The following TSG101 variants were observed in gnomAD, a reference collection of about 807,000 sequenced individuals.
The protein encoded by TSG101 is tumor susceptibility gene 101 protein.
A neutral mutation model predicts 48.5 loss-of-function variants in TSG101; 19 were observed. That is an observed-to-expected ratio of 0.39 (90% confidence interval 0.27 to 0.58). TSG101 has a LOEUF of 0.58. Among genes scored for constraint, TSG101 ranks in the 20% least tolerant of loss-of-function variants. The pLI, the probability that TSG101 is intolerant of heterozygous loss-of-function variation, is 0.55. For synonymous variants in TSG101, 174 were observed against 169.4 expected (o/e 1.03, Z -0.21); for missense variants, 365 against 484.4 (o/e 0.75, Z 2.31).
At chr11:18,517,275 C>G (rs1300217349) in intron 2 of TSG101, among the ~76,000 whole-genome samples, 5 of 151,742 alleles carry the variant, frequency 3.3e-5, no homozygotes, top group Non-Finnish European at 1.5e-5. Flanking sequence ...GCCTCCTTAG[C>G]CAGTATTAAA....
In TSG101 at chr11:18,491,412, C is replaced by T. The variant is rs557893519; in HGVS notation, c.641-7340G>A. On this transcript the variant is annotated intron_variant, in intron 7 of 9. Transcript: ENST00000251968. Reference sequence around the variant, plus strand: ...CTATATGACCAAGTCCTGATAAAAACTCTAGACCCAAGGCTCAGGTGAGCT... The same window carrying T: ...CTATATGACCAAGTCCTGATAAAAATTCTAGACCCAAGGCTCAGGTGAGCT... Among the ~76,000 whole-genome samples the T allele has an allele frequency of 2.6e-5, 4 of 152,276 alleles. No homozygotes were observed. The East Asian group carries it at 7.7e-4, about 29-fold the overall frequency.
At chr11:18,492,011 A>G (rs1416860424) in intron 7 of TSG101, among the ~76,000 whole-genome samples, 6 of 152,376 alleles carry the variant, frequency 3.9e-5, no homozygotes, top group Non-Finnish European at 1.5e-5. Flanking sequence ...CTGTACTTAA[A>G]AAGTCCTTTA....
At chr11:18,483,763 A>G in intron 8 of TSG101, 107 bp downstream of exon 8, 1 of 1,154,150 alleles carries the variant, frequency 8.7e-7, no homozygotes, top group Non-Finnish European at 1.2e-6. Context: ...AGATGCCTAT[A>G]ATTTTCTGAA....
chr11:18,509,720 A>G (rs1215568025), intron 4 of TSG101, 55 bp from the exon 5 acceptor site: 1 of 1,514,274 alleles, frequency 6.6e-7, no homozygotes, highest in Non-Finnish European at 8.9e-7. Context: ...CAGTAAAAAG[A>G]AAAAGGTTAG....
rs1192975824 is a variant in TSG101, at chr11:18,516,447, C to T, written c.128-283G>A. 3.3e-5 allele frequency among the ~76,000 whole-genome samples: 5 copies of T among 151,684 alleles called. No individual in the cohort carries two copies. In the South Asian group the frequency reaches 1.0e-3, roughly 32 times the overall value. On this transcript the variant is annotated intron_variant, in intron 2 of 9. Coordinates refer to ENST00000251968, the MANE Select transcript of TSG101 (RefSeq NM_006292.4). ...GCAACCTCCACCTCCTGGGTTCAAGCGATTCTCCTGCCTCAGCATCCCGAG... is the reference window on the plus strand; with the variant it reads ...GCAACCTCCACCTCCTGGGTTCAAGTGATTCTCCTGCCTCAGCATCCCGAG...
intron 4 of TSG101, among the ~76,000 whole-genome samples, chr11:18,513,875 GA>G (rs1298139173): frequency 6.6e-6 from 1 of 152,100 alleles, no homozygotes; most frequent in Admixed American, 6.6e-5. Context: ...AGGAGTTCGA[GA>G]ACAGCCTCAC....
chr11:18,487,262 TAAA>T (rs112480739), intron 7 of TSG101, among the ~76,000 whole-genome samples: 17 of 137,766 alleles, frequency 1.2e-4, no homozygotes, highest in South Asian at 4.4e-4. Flanking sequence ...TAAAGTATAA[TAAA>T]AAAAAAAAAG....
chr11:18,503,028 T>C (rs1849913948), intron 6 of TSG101, among the ~76,000 whole-genome samples: 1 of 152,216 alleles, frequency 6.6e-6, no homozygotes, highest in African/African-American at 2.4e-5. Flanking sequence ...TTTGATAACA[T>C]TCGTACCAAA....
At chr11:18,481,600 A>T (rs1260663850) in intron 9 of TSG101, 30 bp downstream of exon 9, 1 of 1,599,908 alleles carries the variant, frequency 6.3e-7, no homozygotes, top group Non-Finnish European at 8.5e-7. Context: ...CCCAAGTTAA[A>T]AAATCTTGGA....
At chr11:18,523,652 G>A (rs562895177) in intron 1 of TSG101, among the ~76,000 whole-genome samples, 15 of 152,096 alleles carry the variant, frequency 9.9e-5, no homozygotes, top group African/African-American at 3.4e-4. Flanking sequence ...ACAGGCGTGC[G>A]CCACCATGTC....
chr11:18,500,112 C>A (rs368619928), intron 7 of TSG101, among the ~76,000 whole-genome samples: 2 of 152,130 alleles, frequency 1.3e-5, no homozygotes, highest in East Asian at 1.9e-4. Flanking sequence ...TGTCTTTCTG[C>A]GCCTAGTTTA....
rs1362788126 is a variant in TSG101 at position 18,480,511 on chromosome 11, A to AAGAAG, written c.*30_*34dup. 11 of 1,559,180 alleles carry AAGAAG rather than the reference A, an allele frequency of 7.1e-6. No individual in the cohort carries two copies. The highest frequency in any genetic ancestry group is 9.7e-6 in the Non-Finnish European group (11 of 1,133,916). On this transcript the variant is annotated 3_prime_UTR_variant, in exon 10 of 10. Transcript: ENST00000251968. ...GATAAAAGGAAGAGAAGAATACTTT[A>AAGAAG]AGAAGAGCTCAACCTCCAGCTGGTA...
At chr11:18,503,887 C>T (rs1036266542) in intron 6 of TSG101, among the ~76,000 whole-genome samples, 3 of 151,960 alleles carry the variant, frequency 2.0e-5, no homozygotes, top group African/African-American at 7.3e-5. Flanking sequence ...CTTTTACAAG[C>T]GCATTAAAAT....
chr11:18,517,505 C>T (rs926379849), intron 2 of TSG101, among the ~76,000 whole-genome samples: 10 of 152,166 alleles, frequency 6.6e-5, no homozygotes, highest in Non-Finnish European at 1.3e-4. Context: ...CTATAGCCAT[C>T]TACTGTGTAA....
At chr11:18,520,512 G>A (rs1850252405) in intron 1 of TSG101, among the ~76,000 whole-genome samples, 1 of 152,032 alleles carries the variant, frequency 6.6e-6, no homozygotes, top group Admixed American at 6.6e-5. Context: ...AGGCACGTAT[G>A]GCCCACTTCT....
chr11:18,491,276 A>T (rs1265862967), intron 7 of TSG101, among the ~76,000 whole-genome samples: 1 of 151,836 alleles, frequency 6.6e-6, no homozygotes, highest in African/African-American at 2.4e-5. Context: ...TACACCAGAC[A>T]GTCTAACAGT....
At chr11:18,494,966 A>G (rs1489763863) in intron 7 of TSG101, among the ~76,000 whole-genome samples, 4 of 152,230 alleles carry the variant, frequency 2.6e-5, no homozygotes, top group African/African-American at 7.2e-5. Flanking sequence ...TTATCTAAAT[A>G]TTCAGTATGG....
intron 7 of TSG101, among the ~76,000 whole-genome samples, chr11:18,488,856 T>G (rs1238636329): frequency 6.6e-6 from 1 of 152,136 alleles, no homozygotes; most frequent in Non-Finnish European, 1.5e-5. Flanking sequence ...CCGGGCGCAG[T>G]GGCTCACACC....
At chr11:18,488,235 AT>A (rs1373720337) in intron 7 of TSG101, among the ~76,000 whole-genome samples, 1 of 152,002 alleles carries the variant, frequency 6.6e-6, no homozygotes, top group Non-Finnish European at 1.5e-5. Context: ...GAAAGGAGGG[AT>A]TTTTGTTTTT....
Sources: allele counts gnomAD v4.1 joint callset (sites outside exome capture counted in the v4.1 genomes callset), GRCh38; gene constraint gnomAD v4.1.1; transcripts MANE v1.5; gene names NCBI Gene and HGNC (gene_info 2026-07-23, HGNC 2026-07-21).